The following UBE2B variants were observed in gnomAD, a reference collection of about 807,000 sequenced individuals.
The protein encoded by UBE2B is ubiquitin-conjugating enzyme E2 B.
A neutral mutation model predicts 24.6 loss-of-function variants in UBE2B; 11 were observed. The ratio of observed to expected loss-of-function variants is 0.45; its 90% CI spans 0.28 to 0.74. UBE2B has a LOEUF of 0.74. UBE2B is among the 30% of genes least tolerant of loss of function. The pLI, the probability that UBE2B is intolerant of heterozygous loss-of-function variation, is 0.13. For synonymous variants in UBE2B, 68 were observed against 62.4 expected, an observed-to-expected ratio of 1.09 and a Z score of -0.42; for missense variants, 78 against 185.6, an observed-to-expected ratio of 0.42 and a Z score of 3.37.
intron 4 of UBE2B, among the ~76,000 whole-genome samples, chr5:134,384,470 TATTG>T (rs1412206240): frequency 6.6e-6 from 1 of 152,162 alleles, no homozygotes; most frequent in African/African-American, 2.4e-5. Flanking sequence ...TTAGACTTGT[TATTG>T]AGTCAAACCA....
intron 5 of UBE2B, among the ~76,000 whole-genome samples, chr5:134,389,480 G>A (rs924152177): frequency 2.8e-4 from 42 of 151,904 alleles, no homozygotes; most frequent in African/African-American, 8.9e-4. Flanking sequence ...TAATGAGAAC[G>A]TCTCAATATG....
At chr5:134,374,637 T>G in intron 2 of UBE2B, 174 bp downstream of exon 2, 1 of 707,020 alleles carries the variant, frequency 1.4e-6, no homozygotes, top group Non-Finnish European at 2.3e-6. Context: ...CCCAGCACAG[T>G]AGTAGCTCAA....
intron 1 of UBE2B, among the ~76,000 whole-genome samples, chr5:134,372,650 G>A (rs774080617): frequency 6.6e-6 from 1 of 152,132 alleles, no homozygotes; most frequent in Non-Finnish European, 1.5e-5. Context: ...CTTGGATTTG[G>A]CCAACTTATT....
chr5:134,380,684 T>C, intron 3 of UBE2B, 35 bp from the exon 4 acceptor site: 1 of 1,260,308 alleles, frequency 7.9e-7, no homozygotes, highest in Non-Finnish European at 1.2e-6. Flanking sequence ...AAAGTCGTGC[T>C]TGTCTTTACT....
intron 5 of UBE2B, chr5:134,389,842 C>T (rs1758872552): frequency 1.1e-5 from 3 of 276,170 alleles, no homozygotes; most frequent in Admixed American, 9.9e-5. Context: ...CCACCACACC[C>T]GACCTCTTTT....
intron 5 of UBE2B, chr5:134,388,894 T>A: frequency 2.9e-6 from 1 of 345,086 alleles, no homozygotes. Flanking sequence ...AGAAATAATA[T>A]GTTGGTTTGT....
intron 4 of UBE2B, chr5:134,385,654 T>C (rs941057465): frequency 6.6e-6 from 1 of 152,158 alleles, no homozygotes; most frequent in Non-Finnish European, 1.5e-5. Flanking sequence ...ACTTGATTTT[T>C]TTTTTTAATG....
intron 4 of UBE2B, among the ~76,000 whole-genome samples, chr5:134,386,764 CTT>C (rs1335103826): frequency 1.3e-5 from 2 of 151,794 alleles, no homozygotes; most frequent in Non-Finnish European, 2.9e-5. Context: ...TTATATAAAA[CTT>C]TTTAATCAAA....
intron 4 of UBE2B, chr5:134,388,033 C>T: frequency 5.1e-6 from 2 of 389,076 alleles, no homozygotes; most frequent in Middle Eastern, 8.1e-4. Flanking sequence ...AGACTCCTGA[C>T]CTCAAGCAAT....
chr5:134,386,023 A>AAAAAG (rs34460975), intron 4 of UBE2B, among the ~76,000 whole-genome samples: 20,759 of 149,462 alleles, frequency 0.14, 1,726 homozygotes, highest in African/African-American at 0.23. Flanking sequence ...AAAAAAAAAG[A>AAAAAG]AAAAGAAAAG....
chr5:134,383,473 C>CTTTTTTTTT lies in UBE2B; in HGVS notation c.241+2684_241+2692dup, dbSNP rs747399191. Among the ~76,000 whole-genome samples, 13 of 80,040 alleles carry CTTTTTTTTT rather than the reference C, an allele frequency of 1.6e-4. 1 individual carries two copies. The highest frequency in any genetic ancestry group is 6.5e-4 in the African/African-American group (12 of 18,436). The allele number at this position is 80,040 out of a possible 152,430, so 52.5% of individuals were successfully genotyped here. A position where few individuals can be genotyped will look rare whatever the true frequency, so the allele number is the denominator to read the frequency against. The stretch of plus-strand genomic sequence containing the variant: ...TGCAGATGTGTGCCACCATACCCAG[C>CTTTTTTTTT]TTTTTTTTTTTTTTTTTTTTTTTTT... On this transcript the variant is annotated intron_variant, in intron 4 of 5. Transcript: ENST00000265339.
rs1008019662 is a variant in UBE2B, at chr5:134,376,493, T to C, written c.126-176T>C. Among the ~76,000 whole-genome samples, 5 of 150,458 alleles carry C rather than the reference T, an allele frequency of 3.3e-5. No individual in the cohort carries two copies. The East Asian group carries it at 9.7e-4, about 29-fold the overall frequency. ...AAGCTTAGAATGAAAGTTAATACTT[T>C]ATGCCTGGGTCTATGAAAATCCAGG... On this transcript the variant is annotated intron_variant, in intron 2 of 5. Transcript: ENST00000265339.
At position 134,390,190 on chromosome 5, in the gene UBE2B, T is replaced by A. The variant is rs747146580; in HGVS notation, c.331-35T>A. On this transcript the variant is annotated intron_variant, in intron 5 of 5. Coordinates refer to ENST00000265339, the MANE Select transcript of UBE2B (RefSeq NM_003337.4). The surrounding 1 kb of genome is among the most constrained non-coding windows in gnomAD (Gnocchi z 4.6). Reference sequence around the variant, plus strand: ...GACCCCTGTTGGTATAAAGAACAACTATGCAAATCTGTTTTTTCTTTTCTT... The same window carrying A: ...GACCCCTGTTGGTATAAAGAACAACAATGCAAATCTGTTTTTTCTTTTCTT... 6.2e-7 allele frequency: 1 copy of A among 1,612,856 alleles called. No individual in the cohort carries two copies. The highest frequency in any genetic ancestry group is 1.7e-5 in the Admixed American group (1 of 60,004).
At chr5:134,372,094 C>G (rs1354567533) in intron 1 of UBE2B, among the ~76,000 whole-genome samples, 1 of 152,250 alleles carries the variant, frequency 6.6e-6, no homozygotes, top group Non-Finnish European at 1.5e-5. Context: ...GGGCGAACCC[C>G]TCTCCCGACT....
intron 4 of UBE2B, among the ~76,000 whole-genome samples, chr5:134,384,169 C>G (rs537817755): frequency 6.6e-6 from 1 of 152,212 alleles, no homozygotes; most frequent in Non-Finnish European, 1.5e-5. Flanking sequence ...AACTCACTTT[C>G]AGGAAGAACA....
chr5:134,383,340 T>C (rs1459709595), intron 4 of UBE2B, among the ~76,000 whole-genome samples: 5 of 152,076 alleles, frequency 3.3e-5, no homozygotes, highest in African/African-American at 1.2e-4. Flanking sequence ...GAAAAACACT[T>C]GCTGTGTCAC....
rs1340826736 is a variant in UBE2B, at chr5:134,390,141, T to C, written c.331-84T>C. 1 of 1,552,128 alleles carries C rather than the reference T, an allele frequency of 6.4e-7. No individual in the cohort carries two copies. Among genetic ancestry groups the C allele is most frequent in the East Asian group, 2.3e-5 (1 of 44,396 alleles). On this transcript the variant is annotated intron_variant, in intron 5 of 5. Coordinates refer to ENST00000265339, the MANE Select transcript of UBE2B (RefSeq NM_003337.4). This position sits in a 1 kb window ranked among gnomAD's most constrained non-coding sequence, Gnocchi z 4.6. ...GAAGTAATTTGTTGTTTTGTATAAC[T>C]TTTCTGTAATATATTCCATATCTGA...
intron 5 of UBE2B, chr5:134,389,058 T>G (rs1365871733): frequency 3.4e-6 from 1 of 298,168 alleles, no homozygotes; most frequent in Non-Finnish European, 6.4e-6. Flanking sequence ...TTCAAGTGAT[T>G]ATCCTGCCTC....
intron 4 of UBE2B, among the ~76,000 whole-genome samples, chr5:134,385,386 T>C (rs185134433): frequency 2.6e-5 from 4 of 152,344 alleles, no homozygotes; most frequent in Admixed American, 6.5e-5. Flanking sequence ...GGGCTTAGGA[T>C]AGAGTCTGGA....
Sources: gnomAD v4.1 joint callset for allele counts (sites outside exome capture counted in the v4.1 genomes callset) on GRCh38, gnomAD v4.1.1 for gene constraint, Gnocchi (gnomAD v3.1) non-coding constraint, MANE v1.5 for transcripts, NCBI Gene and HGNC (gene_info 2026-07-23, HGNC 2026-07-21) for gene names.